Variants in STK3 observed in about 807,000 individuals in gnomAD.
STK3 encodes serine/threonine-protein kinase 3.
A neutral mutation model predicts 58.0 loss-of-function variants in STK3; 41 were observed. That is an observed-to-expected ratio of 0.71 (90% CI 0.55 to 0.92). STK3 has a LOEUF of 0.92. Among genes scored for constraint, STK3 ranks in the 40% least tolerant of loss-of-function variants. The probability of loss-of-function intolerance (pLI) is 0.00; values close to 1 mark genes in which losing one functional copy is unlikely to be tolerated. For missense variants in STK3, 479 were observed against 602.7 expected, an observed-to-expected ratio of 0.79 and a Z score of 2.15; for synonymous variants, 170 against 191.0, an observed-to-expected ratio of 0.89 and a Z score of 0.91.
In STK3 at chr8:98,800,181, G is replaced by T. The variant is rs1833433043; in HGVS notation, c.26+25334C>A. Among the ~76,000 whole-genome samples the T allele has an allele frequency of 6.6e-6, 1 of 152,240 alleles. No homozygotes were observed. Among genetic ancestry groups the T allele is most frequent in the South Asian group, 2.1e-4 (1 of 4,824 alleles). Reference sequence around the variant, plus strand: ...TTGTTTTGTTTCCTCTAGAATTGAGGCCACCAAGCTACAGATGGTCTTACA... The same window carrying T: ...TTGTTTTGTTTCCTCTAGAATTGAGTCCACCAAGCTACAGATGGTCTTACA... On this transcript the variant is annotated intron_variant, in intron 1 of 10. Transcript: ENST00000419617. This position sits in a 1 kb window ranked among gnomAD's most constrained non-coding sequence, Gnocchi z 4.8.
intron 4 of STK3, among the ~76,000 whole-genome samples, chr8:98,742,832 C>A (rs1290590513): frequency 6.6e-6 from 1 of 151,930 alleles, no homozygotes; most frequent in East Asian, 1.9e-4. Flanking sequence ...TAGAAAACCC[C>A]ATTGTCTTAG....
chr8:98,374,469 A>G (rs964544783), intron 2 of STK3, among the ~76,000 whole-genome samples: 1 of 152,268 alleles, frequency 6.6e-6, no homozygotes, highest in Admixed American at 6.5e-5. Flanking sequence ...AGTCTGAAAC[A>G]TTAGTTCAAA....
At chr8:98,862,737 G>C (rs1297034308) in intron 3 of STK3, among the ~76,000 whole-genome samples, 1 of 152,222 alleles carries the variant, frequency 6.6e-6, no homozygotes, top group Non-Finnish European at 1.5e-5. Context: ...TGGTATCAGA[G>C]GGATTGCAAA....
chr8:98,560,526 A>G (rs1450468053), intron 8 of STK3, among the ~76,000 whole-genome samples: 2 of 152,156 alleles, frequency 1.3e-5, no homozygotes, highest in East Asian at 3.9e-4. Flanking sequence ...TGATGCAAAA[A>G]ATAAAAGATG....
At chr8:98,727,424 C>T (rs1288969795) in intron 4 of STK3, among the ~76,000 whole-genome samples, 1 of 152,172 alleles carries the variant, frequency 6.6e-6, no homozygotes, top group Non-Finnish European at 1.5e-5. Flanking sequence ...TTGCAATGAG[C>T]AAGGGTTATG....
intron 9 of STK3, among the ~76,000 whole-genome samples, chr8:98,533,806 A>G (rs1192631553): frequency 6.6e-6 from 1 of 152,132 alleles, no homozygotes; most frequent in East Asian, 1.9e-4. Flanking sequence ...TGTCTTTTAA[A>G]TGTGTTTCCA....
At chr8:98,792,826 C>T (rs1736952565) in intron 1 of STK3, among the ~76,000 whole-genome samples, 1 of 152,150 alleles carries the variant, frequency 6.6e-6, no homozygotes, top group Admixed American at 6.5e-5. Flanking sequence ...TATAGCAGCA[C>T]AGTTCGCAAT....
chr8:98,792,004 G>T (rs1326888588), intron 1 of STK3, among the ~76,000 whole-genome samples: 1 of 152,224 alleles, frequency 6.6e-6, no homozygotes, highest in East Asian at 1.9e-4. Context: ...CAAAAGAACG[G>T]TCAGCAGAGT....
chr8:98,670,817 G>A (rs1467273910), intron 6 of STK3, among the ~76,000 whole-genome samples: 1 of 152,186 alleles, frequency 6.6e-6, no homozygotes, highest in Non-Finnish European at 1.5e-5. Flanking sequence ...TAGACTGAGA[G>A]CTGCTTCATC....
At chr8:98,509,128 G>A (rs910015392) in intron 10 of STK3, among the ~76,000 whole-genome samples, 3 of 152,006 alleles carry the variant, frequency 2.0e-5, no homozygotes, top group African/African-American at 7.2e-5. Context: ...AAGGGAGCTT[G>A]CAGAAGGCAA....
In STK3 at chr8:98,674,708, C is replaced by A. The variant is rs571259249; in HGVS notation, c.684+31759G>T. Among the ~76,000 whole-genome samples the A allele has an allele frequency of 2.6e-5, 4 of 152,290 alleles. No individual in the cohort carries two copies. The East Asian group carries it at 7.7e-4, about 29-fold the overall frequency. On this transcript the variant is annotated intron_variant, in intron 6 of 10. Coordinates refer to ENST00000419617, the MANE Select transcript of STK3 (RefSeq NM_006281.4). The stretch of plus-strand genomic sequence containing the variant: ...AGCTACTAGGAGAGACTATGAGGTA[C>A]TTTCTACTAATATCTCAGAAGAAAA...
intron 1 of STK3, among the ~76,000 whole-genome samples, chr8:98,894,574 C>A (rs974401849): frequency 3.9e-5 from 6 of 152,190 alleles, no homozygotes; most frequent in Non-Finnish European, 8.8e-5. Context: ...TTCTAGTATG[C>A]TACATAATTT....
chr8:98,547,939 A>T lies in STK3; in HGVS notation c.1141+30T>A, dbSNP rs746568009. 26 of 1,494,362 alleles carry T rather than the reference A, an allele frequency of 1.7e-5. No homozygotes were observed. In the African/African-American group the frequency reaches 3.6e-4, roughly 20 times the overall value. 92.6% of individuals were successfully genotyped at this position (1,494,362 alleles called of 1,614,324 possible). A position where few individuals can be genotyped will look rare whatever the true frequency, so the allele number is the denominator to read the frequency against. Reference sequence around the variant, plus strand: ...TAAAAGTATCCTTTCGAATTAGAAAACTAATATTTAATGTAAAAAAGCCAC... The same window carrying T: ...TAAAAGTATCCTTTCGAATTAGAAATCTAATATTTAATGTAAAAAAGCCAC... On this transcript the variant is annotated intron_variant, in intron 9 of 10. Coordinates refer to ENST00000419617, the MANE Select transcript of STK3 (RefSeq NM_006281.4).
chr8:98,900,881 C>T (rs536254193), intron 1 of STK3, among the ~76,000 whole-genome samples: 15 of 152,140 alleles, frequency 9.9e-5, no homozygotes, highest in African/African-American at 1.4e-4. Flanking sequence ...AAGCTAGTCT[C>T]GAACTCCTGG....
chr8:98,683,497 C>T (rs1764034521), intron 6 of STK3, among the ~76,000 whole-genome samples: 1 of 151,944 alleles, frequency 6.6e-6, no homozygotes, highest in South Asian at 2.1e-4. Context: ...TTAGAATCTG[C>T]TAGATTCATT....
At chr8:98,426,357 T>C (rs1818232067) in intron 3 of STK3, among the ~76,000 whole-genome samples, 1 of 152,068 alleles carries the variant, frequency 6.6e-6, no homozygotes, top group African/African-American at 2.4e-5. Flanking sequence ...ACACAGACAC[T>C]GAAAAGTCCT....
intron 1 of STK3, among the ~76,000 whole-genome samples, chr8:98,811,019 T>G (rs914286860): frequency 1.3e-4 from 20 of 152,220 alleles, no homozygotes; most frequent in African/African-American, 4.6e-4. Context: ...GCTGCTGCCA[T>G]GCTTGTACAA....
intron 4 of STK3, among the ~76,000 whole-genome samples, chr8:98,746,179 G>A (rs1829629039): frequency 6.6e-6 from 1 of 152,204 alleles, no homozygotes; most frequent in African/African-American, 2.4e-5. Context: ...AGGATTGCTA[G>A]TTCTAGCCAC....
chr8:98,731,485 C>T (rs1009648258), intron 4 of STK3, among the ~76,000 whole-genome samples: 2 of 151,988 alleles, frequency 1.3e-5, no homozygotes, highest in Admixed American at 6.6e-5. Flanking sequence ...TTTGGGAGGC[C>T]GAGGTGGGAG....
Sources: allele counts gnomAD v4.1 joint callset (sites outside exome capture counted in the v4.1 genomes callset), GRCh38; gene constraint gnomAD v4.1.1; non-coding constraint Gnocchi (gnomAD v3.1); transcripts MANE v1.5; gene names NCBI Gene and HGNC (gene_info 2026-07-23, HGNC 2026-07-21).